The following NSD1 variants were observed in gnomAD, a reference collection of about 807,000 sequenced individuals.
The protein encoded by NSD1 is histone-lysine N-methyltransferase, H3 lysine-36 specific.
NSD1 carries 26 observed loss-of-function variants against 242.7 expected under a neutral mutation model. The ratio of observed to expected loss-of-function variants is 0.11; its 90% CI spans 0.08 to 0.15. The LOEUF (loss-of-function observed/expected upper bound fraction) is 0.15. Ranked by LOEUF, NSD1 falls within the 10% of genes least tolerant of loss-of-function variation. The pLI, the probability that NSD1 is intolerant of heterozygous loss-of-function variation, is 1.00. For missense variants in NSD1, 2,495 were observed against 3,272.8 expected, an observed-to-expected ratio of 0.76 and a Z score of 5.80; for synonymous variants, 1,106 against 1,178.1, an observed-to-expected ratio of 0.94 and a Z score of 1.25.
At chr5:177,268,007 C>T (rs1757647439) in intron 15 of NSD1, among the ~76,000 whole-genome samples, 1 of 147,864 alleles carries the variant, frequency 6.8e-6, no homozygotes, top group South Asian at 2.1e-4. Flanking sequence ...AAGGCAGGCG[C>T]ATTGTTAACA....
intron 2 of NSD1, among the ~76,000 whole-genome samples, chr5:177,185,197 G>A (rs932311935): frequency 3.3e-5 from 5 of 152,164 alleles, no homozygotes; most frequent in Admixed American, 6.5e-5. Flanking sequence ...GCTGGGTGCA[G>A]TGGCTCATGC....
At chr5:177,168,249 T>A (rs983712253) in intron 2 of NSD1, among the ~76,000 whole-genome samples, 4 of 152,132 alleles carry the variant, frequency 2.6e-5, no homozygotes, top group East Asian at 1.9e-4. Flanking sequence ...ATTCCCACAG[T>A]TTTACTTAAT....
At chr5:177,235,682 T>A (rs1186003474) in intron 5 of NSD1, 139 bp from the exon 6 acceptor site, 2 of 1,103,680 alleles carry the variant, frequency 1.8e-6, no homozygotes, top group East Asian at 4.9e-5. Context: ...ATTTTGTGCC[T>A]CTTGCATCTT....
Position 177,266,150 on chromosome 5 carries a change from G to A in NSD1, c.5147-1412G>A, listed in dbSNP as rs191159790. On this transcript the variant is annotated intron_variant, in intron 14 of 22. Transcript: ENST00000439151. ...GCTATTGGGCGCCAGCCACTTGTCC[G>A]GGCATAGAGCACAGTGTTGAGCATG... 67 of 1,092,250 alleles carry A rather than the reference G, an allele frequency of 6.1e-5. No homozygotes were observed. The African/African-American group carries it at 7.2e-4, about 12-fold the overall frequency. The allele number at this position is 1,092,250 out of a possible 1,614,324, so 67.7% of individuals were successfully genotyped here.
chr5:177,213,238 A>C (rs1213715079), intron 5 of NSD1, among the ~76,000 whole-genome samples: 1 of 152,248 alleles, frequency 6.6e-6, no homozygotes, highest in Admixed American at 6.5e-5. Context: ...TTTTTACAGC[A>C]ATATCCATTA....
At chr5:177,157,095 C>T (rs1290383265) in intron 2 of NSD1, among the ~76,000 whole-genome samples, 3 of 151,840 alleles carry the variant, frequency 2.0e-5, no homozygotes, top group South Asian at 2.1e-4. Context: ...AGGCCGGGTA[C>T]GGTGGCTCAC....
intron 2 of NSD1, among the ~76,000 whole-genome samples, chr5:177,185,860 TATATATTTATATAATTAATATATATA>T (rs1491360481): frequency 1.1e-5 from 1 of 87,064 alleles, no homozygotes; most frequent in Non-Finnish European, 2.0e-5. Flanking sequence ...TATTATATAT[TATATATTTATATAATTAATATATATA>T]ATATATTTAT....
intron 3 of NSD1, 84 bp downstream of exon 3, chr5:177,192,103 T>A: frequency 8.0e-7 from 1 of 1,242,624 alleles, no homozygotes; most frequent in Non-Finnish European, 1.1e-6. Context: ...TAATATATTT[T>A]TTTCCTTGGA....
At chr5:177,239,931 T>A in intron 8 of NSD1, 66 bp downstream of exon 8, 1 of 986,846 alleles carries the variant, frequency 1.0e-6, no homozygotes, top group Non-Finnish European at 1.6e-6. Context: ...AAAATGACAT[T>A]TTGAGTAGCA....
intron 2 of NSD1, among the ~76,000 whole-genome samples, chr5:177,176,292 G>A (rs1463510972): frequency 2.0e-5 from 3 of 149,164 alleles, no homozygotes; most frequent in Admixed American, 6.7e-5. Context: ...GGAGTTTCAC[G>A]CTTTTTGCCT....
chr5:177,214,534 GA>G (rs1763616020), intron 5 of NSD1, among the ~76,000 whole-genome samples: 1 of 152,044 alleles, frequency 6.6e-6, no homozygotes, highest in South Asian at 2.1e-4. Context: ...CTGCTTCTGT[GA>G]ATTTGATTAC....
rs376211851 is a variant in NSD1 at position 177,295,815 on chromosome 5, C to T, written c.*356C>T. ...TTGGAAGGTATAGGGGCTCTCAAAG[C>T]GATTTCCCCAACCAGACAGAGCCCC... On this transcript the variant is annotated 3_prime_UTR_variant, in exon 23 of 23. Coordinates refer to ENST00000439151, the MANE Select transcript of NSD1 (RefSeq NM_022455.5). This position sits in a 1 kb window ranked among gnomAD's most constrained non-coding sequence, Gnocchi z 4.3. The T allele has an allele frequency of 3.7e-5, 16 of 437,686 alleles. No individual in the cohort carries two copies. The highest frequency in any genetic ancestry group is 3.9e-5 in the East Asian group (1 of 25,628). The allele number at this position is 437,686 out of a possible 1,614,324, so 27.1% of individuals were successfully genotyped here. A position where few individuals can be genotyped will look rare whatever the true frequency, so the allele number is the denominator to read the frequency against.
At chr5:177,197,495 G>A (rs1357387660) in intron 3 of NSD1, among the ~76,000 whole-genome samples, 2 of 152,088 alleles carry the variant, frequency 1.3e-5, no homozygotes, top group Non-Finnish European at 2.9e-5. Flanking sequence ...GGTGGCGGGC[G>A]CCTGTAGTCC....
chr5:177,172,961 CAA>C (rs1157349270), intron 2 of NSD1, among the ~76,000 whole-genome samples: 161 of 66,022 alleles, frequency 2.4e-3, no homozygotes, highest in African/African-American at 7.8e-3. Context: ...GACCCTGTCT[CAA>C]AAAAAAAAAA....
intron 4 of NSD1, among the ~76,000 whole-genome samples, 178 bp from the exon 5 acceptor site, chr5:177,209,458 G>A (rs977571686): frequency 2.0e-5 from 3 of 150,846 alleles, no homozygotes; most frequent in Admixed American, 2.0e-4. Context: ...GAACCCGGGA[G>A]GCAGAGGTTG....
intron 18 of NSD1, among the ~76,000 whole-genome samples, chr5:177,281,158 G>C (rs992319470): frequency 2.1e-4 from 32 of 152,178 alleles, no homozygotes; most frequent in African/African-American, 7.5e-4. Flanking sequence ...ACATGATACA[G>C]AGACATTGAT....
chr5:177,149,540 T>G (rs1220531156), intron 2 of NSD1, among the ~76,000 whole-genome samples: 1 of 152,080 alleles, frequency 6.6e-6, no homozygotes, highest in Non-Finnish European at 1.5e-5. Context: ...TTTTCTGTAG[T>G]CTAGATTAGC....
intron 2 of NSD1, among the ~76,000 whole-genome samples, chr5:177,144,421 G>A (rs1401521532): frequency 6.6e-6 from 1 of 151,722 alleles, no homozygotes; most frequent in African/African-American, 2.4e-5. Context: ...TATTTGATTA[G>A]TAAGATAAAG....
intron 3 of NSD1, among the ~76,000 whole-genome samples, chr5:177,200,828 T>G (rs1307550223): frequency 6.6e-6 from 1 of 152,174 alleles, no homozygotes; most frequent in Non-Finnish European, 1.5e-5. Context: ...CAGAGAACAT[T>G]TGGGTTGTTT....
Sources: gnomAD v4.1 joint callset for allele counts (sites outside exome capture counted in the v4.1 genomes callset) on GRCh38, gnomAD v4.1.1 for gene constraint, Gnocchi (gnomAD v3.1) non-coding constraint, MANE v1.5 for transcripts, NCBI Gene and HGNC (gene_info 2026-07-23, HGNC 2026-07-21) for gene names.